Variants in DOP1B observed in about 807,000 individuals in gnomAD.
DOP1B encodes protein DOP1B.
In DOP1B, 174 loss-of-function variants were observed where a neutral mutation model predicts 233.5. The observed-to-expected ratio is 0.75, with a 90% CI of 0.66 to 0.85. DOP1B has a LOEUF of 0.85. DOP1B is among the 40% of genes least tolerant of loss of function. The probability of loss-of-function intolerance (pLI) is 0.00; values close to 1 mark genes in which losing one functional copy is unlikely to be tolerated. For missense variants in DOP1B, 2,652 were observed against 2,846.6 expected (o/e 0.93, Z 1.56); for synonymous variants, 1,190 against 1,185.6 (o/e 1.00, Z -0.08).
Position 36,277,085 on chromosome 21 carries a change from C to G in DOP1B, c.5697C>G (p.Leu1899=), listed in dbSNP as rs759088408. The part of the protein sequence containing the change: ...SAPSVYSVQA[L]SLLAEVLASL... Reference sequence around the variant, plus strand: ...CGTCGGTGTACAGCGTGCAAGCCCTCTCTCTCCTGGCAGAGGTAAATACAC... The same window carrying G: ...CGTCGGTGTACAGCGTGCAAGCCCTGTCTCTCCTGGCAGAGGTAAATACAC... The change falls in exon 28 of 37, where the codon CTC becomes CTG. Residue 1899 remains leucine (L), a synonymous_variant. Transcript: ENST00000691173. 1 of 1,614,086 alleles carries G rather than the reference C, an allele frequency of 6.2e-7. No homozygotes were observed. The highest frequency in any genetic ancestry group is 2.2e-5 in the East Asian group (1 of 44,872).
intron 2 of DOP1B, among the ~76,000 whole-genome samples, chr21:36,197,933 C>T (rs2066310843): frequency 6.6e-6 from 1 of 151,476 alleles, no homozygotes; most frequent in African/African-American, 2.4e-5. Context: ...ATCGCTTGAA[C>T]CCAGGAGGTA....
At chr21:36,179,866 C>T (rs1295990593) in intron 2 of DOP1B, among the ~76,000 whole-genome samples, 1 of 152,110 alleles carries the variant, frequency 6.6e-6, no homozygotes, top group Non-Finnish European at 1.5e-5. Flanking sequence ...TCTTTACGCA[C>T]GTGGCTATTT....
chr21:36,266,243 C>T (rs1199792456), intron 26 of DOP1B, among the ~76,000 whole-genome samples: 1 of 152,176 alleles, frequency 6.6e-6, no homozygotes, highest in African/African-American at 2.4e-5. Flanking sequence ...ATGGCACGAT[C>T]TCAGCTCACT....
At chr21:36,166,217 A>G (rs2065910326) in intron 2 of DOP1B, among the ~76,000 whole-genome samples, 1 of 151,482 alleles carries the variant, frequency 6.6e-6, no homozygotes. Flanking sequence ...GTGGCGGATC[A>G]CAAAATCAGG....
chr21:36,280,963 C>T (rs2067408585), intron 31 of DOP1B, among the ~76,000 whole-genome samples: 1 of 151,570 alleles, frequency 6.6e-6, no homozygotes, highest in African/African-American at 2.4e-5. Context: ...GATCGTGCCA[C>T]TGCACTCCAG....
chr21:36,258,846 G>A (rs1421515973), intron 23 of DOP1B, among the ~76,000 whole-genome samples: 2 of 152,148 alleles, frequency 1.3e-5, no homozygotes, highest in African/African-American at 2.4e-5. Context: ...GTTATGGAGC[G>A]AGCTCAGTCA....
intron 2 of DOP1B, among the ~76,000 whole-genome samples, chr21:36,186,135 A>G (rs1222260439): frequency 1.3e-5 from 2 of 152,104 alleles, no homozygotes; most frequent in African/African-American, 4.8e-5. Context: ...CCCAGGAGGC[A>G]GAGGTTGCAG....
intron 2 of DOP1B, among the ~76,000 whole-genome samples, chr21:36,179,394 TG>T (rs1452468671): frequency 1.3e-5 from 2 of 152,266 alleles, no homozygotes; most frequent in African/African-American, 2.4e-5. Flanking sequence ...GTCATTTTAA[TG>T]AGAGTGTAAT....
chr21:36,286,850 A>G (rs2146256365), intron 32 of DOP1B, among the ~76,000 whole-genome samples: 1 of 151,548 alleles, frequency 6.6e-6, no homozygotes, highest in Non-Finnish European at 1.5e-5. Flanking sequence ...TGTAATCCCA[A>G]CTACTCTGGA....
At chr21:36,276,840 CAAAAAAA>C (rs57389991) in intron 27 of DOP1B, among the ~76,000 whole-genome samples, 174 bp from the exon 28 acceptor site, 1 of 106,258 alleles carries the variant, frequency 9.4e-6, no homozygotes. Context: ...GACTCCATCT[CAAAAAAA>C]AAAAAAAAAA....
chr21:36,200,270 A>C (rs951834600), intron 3 of DOP1B, 61 bp from the exon 4 acceptor site: 16 of 1,502,464 alleles, frequency 1.1e-5, no homozygotes, highest in Non-Finnish European at 1.4e-5. Context: ...CTGGCTTGTC[A>C]CCTGGGACTT....
intron 32 of DOP1B, among the ~76,000 whole-genome samples, chr21:36,285,360 G>A (rs1470016826): frequency 6.6e-6 from 1 of 151,950 alleles, no homozygotes; most frequent in Non-Finnish European, 1.5e-5. Flanking sequence ...ATGTCTGGCC[G>A]GGAAAAAGAA....
At chr21:36,223,436 A>G (rs1228005443) in intron 11 of DOP1B, 86 bp downstream of exon 11, 9 of 1,509,498 alleles carry the variant, frequency 6.0e-6, no homozygotes, top group African/African-American at 1.4e-5. Context: ...ATCAGATTAT[A>G]TATAAGTAGC....
intron 5 of DOP1B, 57 bp from the exon 6 acceptor site, chr21:36,211,496 G>T (rs143237946): frequency 1.2e-5 from 18 of 1,526,786 alleles, no homozygotes; most frequent in Non-Finnish European, 1.4e-5. Context: ...GGTTACTTTC[G>T]TTTTTATGAC....
chr21:36,160,931 C>A (rs868150594), intron 1 of DOP1B, among the ~76,000 whole-genome samples: 1 of 152,158 alleles, frequency 6.6e-6, no homozygotes, highest in South Asian at 2.1e-4. Context: ...AACAGGCAGC[C>A]CACACTGCGG....
At chr21:36,258,957 C>G (rs533339971) in intron 23 of DOP1B, among the ~76,000 whole-genome samples, 1 of 150,020 alleles carries the variant, frequency 6.7e-6, no homozygotes, top group African/African-American at 2.5e-5. Flanking sequence ...TATGGTCATC[C>G]TGTTGCCTTT....
intron 23 of DOP1B, among the ~76,000 whole-genome samples, chr21:36,259,639 G>A (rs1418665811): frequency 6.6e-6 from 1 of 152,184 alleles, no homozygotes; most frequent in East Asian, 1.9e-4. Context: ...CTGTGCTGCT[G>A]CAGGCTTGGT....
At chr21:36,214,371 A>G in intron 8 of DOP1B, 71 bp from the exon 9 acceptor site, 1 of 1,469,602 alleles carries the variant, frequency 6.8e-7, no homozygotes, top group Non-Finnish European at 9.3e-7. Flanking sequence ...TTTAACAATT[A>G]GAATAGCCAG....
Position 36,164,837 on chromosome 21 carries a change from C to T in DOP1B, c.104C>T (p.Ala35Val), listed in dbSNP as rs772691916. ...AATTTTGAGTCCTCGAGTGAATGGG[C>T]GGATCTCATATCTTCACTTGGCAAA... ...LRNFESSSEW[A>V]DLISSLGKLN... The change falls in exon 2 of 37, where the codon GCG becomes GTG. Residue 35 changes from alanine to valine, a missense_variant. Transcript: ENST00000691173. 1.1e-5 allele frequency: 18 copies of T among 1,611,224 alleles called. No individual in the cohort carries two copies. Among genetic ancestry groups the T allele is most frequent in the Middle Eastern group, 1.6e-4 (1 of 6,080 alleles).
Sources: allele counts gnomAD v4.1 joint callset (sites outside exome capture counted in the v4.1 genomes callset), GRCh38; gene constraint gnomAD v4.1.1; transcripts MANE v1.5; gene names NCBI Gene and HGNC (gene_info 2026-07-23, HGNC 2026-07-21).